The following OTOGL variants were observed in gnomAD, a reference collection of about 807,000 sequenced individuals.
The protein encoded by OTOGL is otogelin like.
A neutral mutation model predicts 318.5 loss-of-function variants in OTOGL; 285 were observed. The ratio of observed to expected loss-of-function variants is 0.89; its 90% CI spans 0.81 to 0.99. The LOEUF is 0.99. Ranked by LOEUF, OTOGL falls within the 50% of genes least tolerant of loss-of-function variation. The pLI is 0.00. For missense variants in OTOGL, 2,899 were observed against 2,845.6 expected (o/e 1.02, Z -0.43); for synonymous variants, 987 against 936.5 (o/e 1.05, Z -0.99).
chr12:80,225,107 A>T (rs957991579), intron 7 of OTOGL, among the ~76,000 whole-genome samples: 4 of 152,086 alleles, frequency 2.6e-5, no homozygotes, highest in African/African-American at 9.7e-5. Context: ...AAAAGAAATG[A>T]GATATATTGA....
intron 1 of OTOGL, among the ~76,000 whole-genome samples, chr12:80,192,751 T>TA (rs1875781131): frequency 8.6e-6 from 1 of 116,926 alleles, no homozygotes; most frequent in Admixed American, 1.0e-4. Context: ...TTAGGGGAAA[T>TA]ACCGTCAAAT....
intron 26 of OTOGL, among the ~76,000 whole-genome samples, chr12:80,290,613 G>A (rs1362222642): frequency 1.3e-5 from 2 of 152,018 alleles, no homozygotes; most frequent in Admixed American, 6.5e-5. Context: ...TTTGTTTATG[G>A]TATCATTTTA....
intron 1 of OTOGL, among the ~76,000 whole-genome samples, chr12:80,134,206 T>C (rs760479711): frequency 6.6e-6 from 1 of 152,212 alleles, no homozygotes; most frequent in Non-Finnish European, 1.5e-5. Flanking sequence ...ACCAGATTCA[T>C]CTTCCTGTTC....
chr12:80,152,068 T>G (rs1029838678), intron 1 of OTOGL, among the ~76,000 whole-genome samples: 4 of 152,166 alleles, frequency 2.6e-5, no homozygotes, highest in Non-Finnish European at 5.9e-5. Context: ...TTGAGAACAG[T>G]ACATTCCATC....
At chr12:80,300,087 A>G (rs1885660684) in intron 27 of OTOGL, among the ~76,000 whole-genome samples, 1 of 152,202 alleles carries the variant, frequency 6.6e-6, no homozygotes, top group Non-Finnish European at 1.5e-5. Flanking sequence ...AGTGAAAACA[A>G]TAGAATTAGT....
chr12:80,131,657 GATA>G (rs1242731496), intron 1 of OTOGL: 1 of 152,014 alleles, frequency 6.6e-6, no homozygotes. Context: ...TAATAATAAT[GATA>G]ATAACAACAA....
At chr12:80,310,010 G>C (rs1886524856) in intron 29 of OTOGL, among the ~76,000 whole-genome samples, 1 of 152,170 alleles carries the variant, frequency 6.6e-6, no homozygotes, top group Admixed American at 6.5e-5. Flanking sequence ...GTAGCAAGAG[G>C]AAACCCAGCA....
chr12:80,297,327 A>G (rs907752664), intron 27 of OTOGL, among the ~76,000 whole-genome samples: 1 of 131,908 alleles, frequency 7.6e-6, no homozygotes, highest in African/African-American at 3.2e-5. Flanking sequence ...TTATTTGTAT[A>G]TGTCTTTTTT....
At chr12:80,283,361 T>A (rs1884376148) in intron 26 of OTOGL, among the ~76,000 whole-genome samples, 1 of 151,962 alleles carries the variant, frequency 6.6e-6, no homozygotes, top group Non-Finnish European at 1.5e-5. Context: ...ATCCCTCATC[T>A]ATGTCTTTTC....
chr12:80,323,837 C>T lies in OTOGL; in HGVS notation c.4196C>T (p.Pro1399Leu). 6.2e-6 allele frequency: 10 copies of T among 1,604,160 alleles called. No individual in the cohort carries two copies. Among genetic ancestry groups the T allele is most frequent in the Non-Finnish European group, 8.5e-6 (10 of 1,171,058 alleles). ...DPEALACKFL[P>L]PVEGCLPYCP... ...GAAGCACTAGCATGTAAATTTCTTCCACCGTAAGTAACGTTTACCAATAAG... is the reference window on the plus strand; with the variant it reads ...GAAGCACTAGCATGTAAATTTCTTCTACCGTAAGTAACGTTTACCAATAAG... Residue 1399 changes from proline (P) to leucine (L), a missense_variant, in exon 35 of 59, where the codon CCA becomes CTA. Pro to Leu is a moderately conservative substitution (Grantham distance 98, BLOSUM62 -3). Coordinates refer to ENST00000547103, the MANE Select transcript of OTOGL (RefSeq NM_001378609.3).
Position 80,217,380 on chromosome 12 carries a change from A to G in OTOGL, c.169-218A>G, listed in dbSNP as rs560220829. On this transcript the variant is annotated intron_variant, in intron 4 of 58. Transcript: ENST00000547103. ...AATATAGACTTGTCAAAGTCATGTA[A>G]GAGGCAAAACCAAGACTTGAATCAG... is the stretch of plus-strand genomic sequence containing the variant. 1.4e-4 allele frequency among the ~76,000 whole-genome samples: 21 copies of G among 152,320 alleles called. No individual in the cohort carries two copies. The East Asian group carries it at 4.1e-3, about 29-fold the overall frequency.
At chr12:80,336,891 T>A in intron 41 of OTOGL, 21 bp from the exon 42 acceptor site, 1 of 1,554,350 alleles carries the variant, frequency 6.4e-7, no homozygotes, top group African/African-American at 1.4e-5. Flanking sequence ...TCCGTAAAGT[T>A]TTAATTTTTT....
At chr12:80,327,297 T>C (rs1203989658) in intron 35 of OTOGL, among the ~76,000 whole-genome samples, 1 of 152,162 alleles carries the variant, frequency 6.6e-6, no homozygotes, top group Non-Finnish European at 1.5e-5. Flanking sequence ...TTTGAGACTT[T>C]CCCTTGTCTT....
chr12:80,284,003 T>C (rs963606129), intron 26 of OTOGL, among the ~76,000 whole-genome samples: 2 of 151,878 alleles, frequency 1.3e-5, no homozygotes, highest in Non-Finnish European at 2.9e-5. Context: ...CATTAGGTAT[T>C]TGTCCTAATG....
intron 1 of OTOGL, among the ~76,000 whole-genome samples, chr12:80,149,669 C>T (rs112597357): frequency 6.6e-6 from 1 of 152,034 alleles, no homozygotes; most frequent in Non-Finnish European, 1.5e-5. Context: ...CCCCCAGCCT[C>T]GCTGCCGCCT....
At position 80,217,283 on chromosome 12, in the gene OTOGL, G is replaced by T. The variant is rs560933118; in HGVS notation, c.169-315G>T. ...GAGGTGGGTGGAGGGATCGGGGGCT[G>T]GGGGGAAGACTGGATGATGGGAAGG... On this transcript the variant is annotated intron_variant, in intron 4 of 58. Coordinates refer to ENST00000547103, the MANE Select transcript of OTOGL (RefSeq NM_001378609.3). 7.9e-5 allele frequency among the ~76,000 whole-genome samples: 12 copies of T among 152,202 alleles called. No homozygotes were observed. In the South Asian group the frequency reaches 1.5e-3, roughly 18 times the overall value.
chr12:80,344,427 A>G (rs544956237), intron 44 of OTOGL, among the ~76,000 whole-genome samples: 33 of 152,216 alleles, frequency 2.2e-4, no homozygotes, highest in African/African-American at 7.9e-4. Flanking sequence ...CTGTAATCCC[A>G]GTTATTCGGG....
intron 18 of OTOGL, among the ~76,000 whole-genome samples, chr12:80,259,760 A>G (rs557093210): frequency 3.9e-5 from 6 of 152,172 alleles, no homozygotes; most frequent in African/African-American, 1.4e-4. Flanking sequence ...TATCCAGTCT[A>G]TCATTGATGG....
chr12:80,308,054 C>T (rs1446899199), intron 29 of OTOGL, among the ~76,000 whole-genome samples: 2 of 140,456 alleles, frequency 1.4e-5, no homozygotes, highest in African/African-American at 5.6e-5. Flanking sequence ...GGGCTGATCC[C>T]CCCACCTCCC....
Sources: allele counts gnomAD v4.1 joint callset (sites outside exome capture counted in the v4.1 genomes callset), GRCh38; gene constraint gnomAD v4.1.1; transcripts MANE v1.5; gene names NCBI Gene and HGNC (gene_info 2026-07-23, HGNC 2026-07-21).